RBFOX3: variants seen among roughly 807,000 people sequenced by gnomAD.
The protein encoded by RBFOX3 is RNA binding protein fox-1 homolog 3.
In RBFOX3, 17 loss-of-function variants were observed where a neutral mutation model predicts 48.7. The observed-to-expected ratio is 0.35, with a 90% CI of 0.24 to 0.52. RBFOX3 has a LOEUF of 0.52. Ranked by LOEUF, RBFOX3 falls within the 20% of genes least tolerant of loss-of-function variation. The probability of loss-of-function intolerance (pLI) is 0.94; values close to 1 mark genes in which losing one functional copy is unlikely to be tolerated. For synonymous variants in RBFOX3, 212 were observed against 209.5 expected (o/e 1.01, Z -0.10); for missense variants, 382 against 497.5 (o/e 0.77, Z 2.21).
At chr17:79,503,140 T>A (rs2082600473) in intron 1 of RBFOX3, among the ~76,000 whole-genome samples, 1 of 152,192 alleles carries the variant, frequency 6.6e-6, no homozygotes, top group African/African-American at 2.4e-5. Flanking sequence ...TGTCTCCTGC[T>A]ATAAGGGCAC....
chr17:79,539,117 TGA>T (rs1166429319), intron 1 of RBFOX3, among the ~76,000 whole-genome samples: 2 of 152,146 alleles, frequency 1.3e-5, no homozygotes, highest in Non-Finnish European at 2.9e-5. Flanking sequence ...TTTGGGAGGC[TGA>T]GGCAGGAGGA....
intron 4 of RBFOX3, among the ~76,000 whole-genome samples, chr17:79,156,847 C>A (rs1405115246): frequency 6.6e-6 from 1 of 152,186 alleles, no homozygotes; most frequent in African/African-American, 2.4e-5. Context: ...CTGATGGGAA[C>A]TGGCCCTTCT....
intron 2 of RBFOX3, among the ~76,000 whole-genome samples, chr17:79,460,278 T>TA (rs1476876245): frequency 4.0e-5 from 6 of 150,512 alleles, no homozygotes; most frequent in African/African-American, 1.2e-4. Flanking sequence ...TTTACCTCAT[T>TA]AAAAAAAAAT....
At chr17:79,182,179 G>C (rs2052149030) in intron 4 of RBFOX3, among the ~76,000 whole-genome samples, 1 of 152,090 alleles carries the variant, frequency 6.6e-6, no homozygotes, top group South Asian at 2.1e-4. Flanking sequence ...GCGTCCTATG[G>C]GAACCCCTCT....
At chr17:79,217,044 C>T (rs530763121) in intron 4 of RBFOX3, among the ~76,000 whole-genome samples, 3 of 152,308 alleles carry the variant, frequency 2.0e-5, no homozygotes, top group African/African-American at 7.2e-5. Context: ...CACTCTGGGC[C>T]TCTCTCACAG....
At chr17:79,140,333 TCTGTATCTC>T (rs1477374959) in intron 4 of RBFOX3, among the ~76,000 whole-genome samples, 1 of 152,232 alleles carries the variant, frequency 6.6e-6, no homozygotes, top group Non-Finnish European at 1.5e-5. Context: ...GAGCCCCATT[TCTGTATCTC>T]CAGCCCTGGC....
intron 2 of RBFOX3, among the ~76,000 whole-genome samples, chr17:79,333,293 A>G (rs1207540727): frequency 1.3e-5 from 2 of 152,156 alleles, no homozygotes; most frequent in African/African-American, 4.8e-5. Flanking sequence ...ATTTTCATTA[A>G]AAGAAAAAAG....
rs879440397 is a variant in RBFOX3, at chr17:79,090,558, C to A, written c.*325G>T. 5.5e-6 allele frequency: 2 copies of A among 366,804 alleles called. No homozygotes were observed. The highest frequency in any genetic ancestry group is 7.3e-4 in the Middle Eastern group (1 of 1,374). The allele number at this position is 366,804 out of a possible 1,614,324, so 22.7% of individuals were successfully genotyped here. On this transcript the variant is annotated 3_prime_UTR_variant, in exon 15 of 15. Coordinates refer to ENST00000693108, the MANE Select transcript of RBFOX3 (RefSeq NM_001350451.2). The stretch of plus-strand genomic sequence containing the variant: ...AGACTGGATGGAAAACAGAGCCCCC[C>A]ACGGGTCCCACAAGGGAGGCCCCTT...
chr17:79,467,689 C>A (rs1040203043), intron 2 of RBFOX3, among the ~76,000 whole-genome samples: 3 of 152,172 alleles, frequency 2.0e-5, no homozygotes, highest in South Asian at 4.1e-4. Context: ...TGAGTGCCAG[C>A]GTCCCTGGAA....
rs559388788 is a variant in RBFOX3 at position 79,475,027 on chromosome 17, T to C, written c.-175+7427A>G. Reference sequence around the variant, plus strand: ...AGGCAGAGCAAGACTCCAGTTTCTCTCTCCTGTGACAAAAGTGTGCGCCCA... The same window carrying C: ...AGGCAGAGCAAGACTCCAGTTTCTCCCTCCTGTGACAAAAGTGTGCGCCCA... On this transcript the variant is annotated intron_variant, in intron 2 of 14. Coordinates refer to ENST00000693108, the MANE Select transcript of RBFOX3 (RefSeq NM_001350451.2). Among the ~76,000 whole-genome samples the C allele has an allele frequency of 1.2e-4, 18 of 152,218 alleles. 1 individual carries two copies. The South Asian group carries it at 3.7e-3, about 32-fold the overall frequency.
At chr17:79,499,647 G>C (rs1010001505) in intron 1 of RBFOX3, among the ~76,000 whole-genome samples, 1 of 152,164 alleles carries the variant, frequency 6.6e-6, no homozygotes, top group Non-Finnish European at 1.5e-5. Flanking sequence ...CACTATCTTC[G>C]GGCAAGTTAC....
At chr17:79,177,713 G>T (rs1300670089) in intron 4 of RBFOX3, among the ~76,000 whole-genome samples, 1 of 152,174 alleles carries the variant, frequency 6.6e-6, no homozygotes, top group African/African-American at 2.4e-5. Context: ...CCATGGGCAG[G>T]GGTCGGGGAG....
intron 4 of RBFOX3, among the ~76,000 whole-genome samples, chr17:79,126,021 C>A (rs1189223784): frequency 6.6e-6 from 1 of 152,240 alleles, no homozygotes; most frequent in Non-Finnish European, 1.5e-5. Flanking sequence ...AATTCTCCTG[C>A]TGACCTGCAG....
intron 2 of RBFOX3, among the ~76,000 whole-genome samples, chr17:79,376,758 G>A (rs1456883370): frequency 6.6e-6 from 1 of 152,116 alleles, no homozygotes; most frequent in Non-Finnish European, 1.5e-5. Context: ...GGGGAGGCTC[G>A]CAGGGGGATG....
rs1555756719 is a variant in RBFOX3 at position 79,471,201 on chromosome 17, A to G, written c.-175+11253T>C. Among the ~76,000 whole-genome samples, 1 of 152,198 alleles carries G rather than the reference A, an allele frequency of 6.6e-6. No individual in the cohort carries two copies. The highest frequency in any genetic ancestry group is 1.5e-5 in the Non-Finnish European group (1 of 68,034). Reference sequence around the variant, plus strand: ...CCCTCCTGCTGGAAGAGGCCAGGACACACGAAGGGTCTCTCATGGGAAGCA... The same window carrying G: ...CCCTCCTGCTGGAAGAGGCCAGGACGCACGAAGGGTCTCTCATGGGAAGCA... On this transcript the variant is annotated intron_variant, in intron 2 of 14. Transcript: ENST00000693108. The surrounding 1 kb of genome is among the most constrained non-coding windows in gnomAD (Gnocchi z 4.0).
Position 79,254,396 on chromosome 17 carries a change from C to T in RBFOX3, c.-73-18591G>A, listed in dbSNP as rs895097340. ...AGCCCTAGCTCCACATACCCCCAAA[C>T]CTGCCCCCCAATCCAGGACACATGG... On this transcript the variant is annotated intron_variant, in intron 3 of 14. Transcript: ENST00000693108. This position sits in a 1 kb window ranked among gnomAD's most constrained non-coding sequence, Gnocchi z 4.8. 2.6e-5 allele frequency among the ~76,000 whole-genome samples: 4 copies of T among 151,886 alleles called. No homozygotes were observed. Among genetic ancestry groups the T allele is most frequent in the Non-Finnish European group, 4.4e-5 (3 of 67,976 alleles).
At chr17:79,091,620 C>T (rs889095286) in intron 14 of RBFOX3, among the ~76,000 whole-genome samples, 3 of 152,220 alleles carry the variant, frequency 2.0e-5, no homozygotes, top group East Asian at 1.9e-4. Context: ...GACCGGCCTG[C>T]GCTCAGGGGA....
intron 1 of RBFOX3, among the ~76,000 whole-genome samples, chr17:79,492,320 C>CT (rs1491129730): frequency 6.7e-6 from 1 of 149,904 alleles, no homozygotes; most frequent in Non-Finnish European, 1.5e-5. Flanking sequence ...GTCACCTCCC[C>CT]TGTCATACCA....
chr17:79,125,543 CG>C, intron 4 of RBFOX3, among the ~76,000 whole-genome samples: 1 of 152,342 alleles, frequency 6.6e-6, no homozygotes, highest in African/African-American at 2.4e-5. Flanking sequence ...GACAACGGGC[CG>C]GCAGGGAGCT....
Sources: allele counts gnomAD v4.1 joint callset (sites outside exome capture counted in the v4.1 genomes callset), GRCh38; gene constraint gnomAD v4.1.1; non-coding constraint Gnocchi (gnomAD v3.1); transcripts MANE v1.5; gene names NCBI Gene and HGNC (gene_info 2026-07-23, HGNC 2026-07-21).